Variants in OPN3 observed in about 807,000 individuals in gnomAD.
OPN3 encodes opsin 3, also known as opsin-3.
A neutral mutation model predicts 33.8 loss-of-function variants in OPN3; 29 were observed. The ratio of observed to expected loss-of-function variants is 0.86; its 90% confidence interval spans 0.64 to 1.17. The LOEUF (loss-of-function observed/expected upper bound fraction) is 1.17, where lower values mean the gene tolerates loss of function less well. Ranked by LOEUF, OPN3 falls within the 50% of genes most tolerant of loss-of-function variation. The pLI, the probability that OPN3 is intolerant of heterozygous loss-of-function variation, is 0.00. For missense variants in OPN3, 437 were observed against 514.1 expected, an observed-to-expected ratio of 0.85 and a Z score of 1.45; for synonymous variants, 216 against 216.1, an observed-to-expected ratio of 1.00 and a Z score of 0.00.
Position 241,594,680 on chromosome 1 carries a change from G to C in OPN3, c.957C>G (p.Ser319=), listed in dbSNP as rs761845844. The change falls in exon 4 of 4, where the codon TCC becomes TCG. Residue 319 remains serine, a synonymous_variant. Transcript: ENST00000366554. ...YVFMIRKFRR[S]LLQLLCLRLL... The stretch of plus-strand genomic sequence containing the variant: ...GTCGGAGGCACAGAAGCTGCAAAAG[G>C]GATCTTCGAAACTGGGCAGAGAAAA... 6 of 1,613,190 alleles carry C rather than the reference G, an allele frequency of 3.7e-6. No individual in the cohort carries two copies. Among genetic ancestry groups the C allele is most frequent in the Non-Finnish European group, 5.1e-6 (6 of 1,179,652 alleles).
chr1:241,606,056 C>T (rs1162804169), intron 1 of OPN3, among the ~76,000 whole-genome samples: 4 of 152,066 alleles, frequency 2.6e-5, no homozygotes, highest in African/African-American at 9.7e-5. Context: ...ATGTAAAACA[C>T]GATTGGAGGC....
chr1:241,634,842 G>A (rs1037067438), intron 1 of OPN3: 15 of 1,611,458 alleles, frequency 9.3e-6, no homozygotes, highest in African/African-American at 1.3e-5. Flanking sequence ...TCAGGATGTT[G>A]TTCATACTCT....
chr1:241,600,052 A>G (rs1411153523), intron 2 of OPN3, among the ~76,000 whole-genome samples: 4 of 152,120 alleles, frequency 2.6e-5, no homozygotes, highest in Admixed American at 6.5e-5. Context: ...TTTAGGTCCA[A>G]TCGTTTTATC....
At chr1:241,627,410 G>A (rs1314709988) in intron 1 of OPN3, among the ~76,000 whole-genome samples, 2 of 152,096 alleles carry the variant, frequency 1.3e-5, no homozygotes, top group African/African-American at 2.4e-5. Context: ...TCATTAATGG[G>A]TCTCAATACA....
At chr1:241,621,245 A>G (rs1243979045) in intron 1 of OPN3, among the ~76,000 whole-genome samples, 1 of 152,156 alleles carries the variant, frequency 6.6e-6, no homozygotes, top group East Asian at 1.9e-4. Context: ...ATTACAAAAT[A>G]AAATTCACTG....
At chr1:241,616,022 T>A (rs930670237) in intron 1 of OPN3, 1 of 454,544 alleles carries the variant, frequency 2.2e-6, no homozygotes, top group Non-Finnish European at 4.4e-6. Context: ...TTAGATTGCT[T>A]GCACTCTCCT....
In OPN3 at chr1:241,616,780, T is replaced by A. The variant is rs181497237; in HGVS notation, c.374-12201A>T. 3.8e-3 allele frequency among the ~76,000 whole-genome samples: 581 copies of A among 151,598 alleles called. 3 individuals carry two copies. Among genetic ancestry groups the A allele is most frequent in the African/African-American group, 0.013 (533 of 41,362 alleles). On this transcript the variant is annotated intron_variant, in intron 1 of 3. Coordinates refer to ENST00000366554, the MANE Select transcript of OPN3 (RefSeq NM_014322.3). ...CCACAGTTGACATTTCAATGAAAAA[T>A]TTTTTTTTCCCTCAGGGAACTAGCA... is the stretch of plus-strand genomic sequence containing the variant.
intron 3 of OPN3, among the ~76,000 whole-genome samples, chr1:241,597,238 T>C (rs1232336931): frequency 6.6e-6 from 1 of 152,210 alleles, no homozygotes; most frequent in Non-Finnish European, 1.5e-5. Flanking sequence ...TGAGGAGTTA[T>C]AAGCACTGGA....
Position 241,597,785 on chromosome 1 carries a change from A to C in OPN3, c.906T>G (p.Thr302=). 1 of 1,613,942 alleles carries C rather than the reference A, an allele frequency of 6.2e-7. No individual in the cohort carries two copies. Among genetic ancestry groups the C allele is most frequent in the Non-Finnish European group, 8.5e-7 (1 of 1,179,952 alleles). Residue 302 remains threonine, a synonymous_variant, in exon 3 of 4, where the codon ACT becomes ACG. Transcript: ENST00000366554. ...AGACATAAATCACTGGATTGTATAC[A>C]GTGTTCGATTTAGCAAAGAGGTACG... ...IVSYLFAKSN[T]VYNPVIYVFM...
chr1:241,605,065 A>AAT (rs3034562), intron 1 of OPN3, among the ~76,000 whole-genome samples: 18,140 of 142,726 alleles, frequency 0.13, 1,792 homozygotes, highest in African/African-American at 0.25. Context: ...CAAAAAAAAA[A>AAT]AAAATAAAAT....
intron 1 of OPN3, chr1:241,634,497 GATCT>G (rs1664791917): frequency 6.2e-7 from 1 of 1,613,798 alleles, no homozygotes; most frequent in East Asian, 2.2e-5. Context: ...TGACCAAAGT[GATCT>G]ATAATTGCTT....
At chr1:241,629,801 ATTTC>A (rs1235753673) in intron 1 of OPN3, 3 of 152,038 alleles carry the variant, frequency 2.0e-5, no homozygotes, top group Admixed American at 1.3e-4. Context: ...AGTTATTAAT[ATTTC>A]TTTCTTTCCA....
intron 1 of OPN3, chr1:241,634,753 A>G (rs938283225): frequency 5.6e-6 from 9 of 1,614,026 alleles, no homozygotes. Flanking sequence ...AGTGCAGTAC[A>G]AAATGTTGAA....
In OPN3 at chr1:241,617,910, G is replaced by C. The variant is rs577048109; in HGVS notation, c.374-13331C>G. On this transcript the variant is annotated intron_variant, in intron 1 of 3. Coordinates refer to ENST00000366554, the MANE Select transcript of OPN3 (RefSeq NM_014322.3). ...AGTATAAAGCAAAACCCATATTGGT[G>C]ACCAGTGTGGAACAATCTGGACAGG... Among the ~76,000 whole-genome samples, 405 of 152,226 alleles carry C rather than the reference G, an allele frequency of 2.7e-3. 3 individuals are homozygous for C. The highest frequency in any genetic ancestry group is 6.8e-3 in the Middle Eastern group (2 of 294).
rs1427922771 is a variant in OPN3, at chr1:241,594,142, T to G, written c.*286A>C. Reference sequence around the variant, plus strand: ...GGAAAATAGAGTAATTTAAAAAATATATTTGAAATGAAAATCTCCAACACA... The same window carrying G: ...GGAAAATAGAGTAATTTAAAAAATAGATTTGAAATGAAAATCTCCAACACA... On this transcript the variant is annotated 3_prime_UTR_variant, in exon 4 of 4. Coordinates refer to ENST00000366554, the MANE Select transcript of OPN3 (RefSeq NM_014322.3). 9.0e-6 allele frequency: 3 copies of G among 333,040 alleles called. No homozygotes were observed. Among genetic ancestry groups the G allele is most frequent in the Non-Finnish European group, 1.6e-5 (3 of 184,856 alleles). 20.6% of individuals were successfully genotyped at this position (333,040 alleles called of 1,614,324 possible).
intron 1 of OPN3, chr1:241,636,050 T>A (rs1020412961): frequency 4.3e-6 from 2 of 462,568 alleles, no homozygotes; most frequent in African/African-American, 4.0e-5. Context: ...GCATCATATA[T>A]GCATTTGTGA....
chr1:241,635,309 A>C (rs759249820), intron 1 of OPN3: 1 of 1,613,826 alleles, frequency 6.2e-7, no homozygotes, highest in African/African-American at 1.3e-5. Flanking sequence ...TTTTGCAGGC[A>C]TTTCGTCGCT....
At chr1:241,638,889 C>A (rs1665003595) in intron 1 of OPN3, among the ~76,000 whole-genome samples, 2 of 152,188 alleles carry the variant, frequency 1.3e-5, no homozygotes, top group South Asian at 4.2e-4. Flanking sequence ...AAGATTAAAG[C>A]AATAAAGTAT....
chr1:241,636,160 G>A, intron 1 of OPN3: 1 of 407,876 alleles, frequency 2.5e-6, no homozygotes. Flanking sequence ...CCATTGGAGT[G>A]TGACATCTTA....
Sources: allele counts gnomAD v4.1 joint callset (sites outside exome capture counted in the v4.1 genomes callset), GRCh38; gene constraint gnomAD v4.1.1; transcripts MANE v1.5; gene names NCBI Gene and HGNC (gene_info 2026-07-23, HGNC 2026-07-21).